The following SLC24A3 variants were observed in gnomAD, a reference collection of about 807,000 sequenced individuals.
The protein encoded by SLC24A3 is sodium/potassium/calcium exchanger 3.
In SLC24A3, 28 loss-of-function variants were observed where a neutral mutation model predicts 75.8. That is an observed-to-expected ratio of 0.37 (90% CI 0.27 to 0.51). The LOEUF (loss-of-function observed/expected upper bound fraction) is 0.51, where lower values mean the gene tolerates loss of function less well. Ranked by LOEUF, SLC24A3 falls within the 20% of genes least tolerant of loss-of-function variation. The pLI, the probability that SLC24A3 is intolerant of heterozygous loss-of-function variation, is 0.94. For missense variants in SLC24A3, 663 were observed against 847.8 expected (o/e 0.78, Z 2.71); for synonymous variants, 372 against 334.1 (o/e 1.11, Z -1.24).
chr20:19,397,175 T>A (rs1001670087), intron 2 of SLC24A3, among the ~76,000 whole-genome samples: 2 of 152,214 alleles, frequency 1.3e-5, no homozygotes, highest in Non-Finnish European at 2.9e-5. Flanking sequence ...ACTTTTCAAA[T>A]TTTCCCTCAT....
At chr20:19,399,093 T>A (rs1447336587) in intron 2 of SLC24A3, among the ~76,000 whole-genome samples, 1 of 152,168 alleles carries the variant, frequency 6.6e-6, no homozygotes, top group East Asian at 1.9e-4. Context: ...AATATCTACT[T>A]AGTGTCCATT....
rs146611885 is a variant in SLC24A3, at chr20:19,581,831, C to T, written c.423+1757C>T. On this transcript the variant is annotated intron_variant, in intron 4 of 16. Transcript: ENST00000328041. ...TTCTCTACTCCATCCAGAGACGAGC[C>T]TGGACCAGGTCATGGTGGTGTTAGA... Among the ~76,000 whole-genome samples, 1,104 of 152,274 alleles carry T rather than the reference C, an allele frequency of 7.3e-3. 8 individuals carry two copies. The highest frequency in any genetic ancestry group is 0.011 in the Non-Finnish European group (730 of 68,016).
At chr20:19,262,189 G>C (rs1385965957) in intron 1 of SLC24A3, among the ~76,000 whole-genome samples, 1 of 151,858 alleles carries the variant, frequency 6.6e-6, no homozygotes, top group Admixed American at 6.6e-5. Flanking sequence ...GGATCACGAG[G>C]TCAGGAGATC....
chr20:19,393,558 A>G (rs1340815160), intron 2 of SLC24A3, among the ~76,000 whole-genome samples: 2 of 152,228 alleles, frequency 1.3e-5, no homozygotes, highest in Non-Finnish European at 2.9e-5. Context: ...CTATAAAATA[A>G]CAATGAATAA....
intron 2 of SLC24A3, among the ~76,000 whole-genome samples, chr20:19,295,662 A>C (rs1984039673): frequency 6.6e-6 from 1 of 152,196 alleles, no homozygotes; most frequent in Non-Finnish European, 1.5e-5. Context: ...ACATTTATTG[A>C]CTTGCATATG....
chr20:19,335,894 C>G (rs995742569), intron 2 of SLC24A3, among the ~76,000 whole-genome samples: 1 of 152,162 alleles, frequency 6.6e-6, no homozygotes, highest in Non-Finnish European at 1.5e-5. Context: ...ATCTTTCTCC[C>G]TTATTTTGCC....
intron 15 of SLC24A3, among the ~76,000 whole-genome samples, chr20:19,705,984 A>G (rs1254080403): frequency 1.3e-5 from 2 of 152,202 alleles, no homozygotes; most frequent in East Asian, 3.8e-4. Context: ...AAGCTTTAAG[A>G]GAGCTGAGAA....
intron 2 of SLC24A3, among the ~76,000 whole-genome samples, chr20:19,393,617 A>G (rs185077321): frequency 2.6e-5 from 4 of 152,326 alleles, no homozygotes; most frequent in African/African-American, 7.2e-5. Context: ...ATTATCAAAA[A>G]GAATAAAATA....
At chr20:19,251,405 G>A (rs1231713938) in intron 1 of SLC24A3, among the ~76,000 whole-genome samples, 1 of 152,244 alleles carries the variant, frequency 6.6e-6, no homozygotes, top group Non-Finnish European at 1.5e-5. Context: ...TGTTTCGCCA[G>A]TGTCTTGGTT....
At chr20:19,542,549 T>C (rs1182991605) in intron 3 of SLC24A3, among the ~76,000 whole-genome samples, 1 of 152,208 alleles carries the variant, frequency 6.6e-6, no homozygotes, top group Admixed American at 6.5e-5. Context: ...AGAATCTGCG[T>C]CTGGGGGCTG....
chr20:19,223,967 C>G (rs1981803718), intron 1 of SLC24A3, among the ~76,000 whole-genome samples: 1 of 152,202 alleles, frequency 6.6e-6, no homozygotes, highest in Admixed American at 6.5e-5. Context: ...TCACATTACT[C>G]AGAATAGTGG....
At chr20:19,558,554 C>T (rs1490140464) in intron 3 of SLC24A3, among the ~76,000 whole-genome samples, 2 of 152,124 alleles carry the variant, frequency 1.3e-5, no homozygotes, top group Non-Finnish European at 1.5e-5. Context: ...TTAGTAGCCT[C>T]CTCTCCATGT....
At chr20:19,213,055 G>A in intron 1 of SLC24A3, 71 bp downstream of exon 1, 1 of 1,145,062 alleles carries the variant, frequency 8.7e-7, no homozygotes, top group Non-Finnish European at 1.1e-6. Context: ...GGCTGGGCGC[G>A]GGGCTCCTTC....
In SLC24A3 at chr20:19,339,714, G is replaced by A. The variant is rs137930021; in HGVS notation, c.271+58627G>A. Among the ~76,000 whole-genome samples the A allele has an allele frequency of 1.3e-4, 20 of 152,314 alleles. No homozygotes were observed. The East Asian group carries it at 3.5e-3, about 26-fold the overall frequency. On this transcript the variant is annotated intron_variant, in intron 2 of 16. Transcript: ENST00000328041. ...GCTGAGGGCCAGAAACCAACCAGGAGATAGGGTACCAGGGTAACCTGGAGA... is the reference window on the plus strand; with the variant it reads ...GCTGAGGGCCAGAAACCAACCAGGAAATAGGGTACCAGGGTAACCTGGAGA...
At chr20:19,674,839 A>G (rs766024286) in intron 9 of SLC24A3, among the ~76,000 whole-genome samples, 4 of 152,088 alleles carry the variant, frequency 2.6e-5, no homozygotes, top group African/African-American at 9.7e-5. Flanking sequence ...GATCACTTGA[A>G]ATCAGGAGTT....
chr20:19,447,610 C>A (rs1535022), intron 2 of SLC24A3, among the ~76,000 whole-genome samples: 1 of 152,080 alleles, frequency 6.6e-6, no homozygotes, highest in African/African-American at 2.4e-5. Context: ...AGGAAGATGG[C>A]AGGTTTACCA....
chr20:19,416,822 ATGTAAGGAGTCT>A (rs1986835441), intron 2 of SLC24A3, among the ~76,000 whole-genome samples: 1 of 152,262 alleles, frequency 6.6e-6, no homozygotes, highest in African/African-American at 2.4e-5. Flanking sequence ...TGAGATGTGA[ATGTAAGGAGTCT>A]TTTAAGGAGC....
chr20:19,406,223 T>TGAGAGAGA (rs1268823532), intron 2 of SLC24A3, among the ~76,000 whole-genome samples: 1 of 149,838 alleles, frequency 6.7e-6, no homozygotes, highest in African/African-American at 2.5e-5. Context: ...CGTGTGTGTG[T>TGAGAGAGA]GTGTGAGAGA....
chr20:19,472,621 C>G (rs892205776), intron 2 of SLC24A3, among the ~76,000 whole-genome samples: 2 of 152,180 alleles, frequency 1.3e-5, no homozygotes, highest in African/African-American at 4.8e-5. Context: ...TTCACCAGAC[C>G]TTCGTGGGAA....
Sources: allele counts gnomAD v4.1 joint callset (sites outside exome capture counted in the v4.1 genomes callset), GRCh38; gene constraint gnomAD v4.1.1; transcripts MANE v1.5; gene names NCBI Gene and HGNC (gene_info 2026-07-23, HGNC 2026-07-21).